Variants in SDK1 observed in about 807,000 individuals in gnomAD.
The protein encoded by SDK1 is sidekick cell adhesion molecule 1, also known as protein sidekick-1.
A neutral mutation model predicts 245.5 loss-of-function variants in SDK1; 157 were observed. That is an observed-to-expected ratio of 0.64 (90% CI 0.56 to 0.73). The LOEUF (loss-of-function observed/expected upper bound fraction) is 0.73, where lower values mean the gene tolerates loss of function less well. SDK1 is among the 30% of genes least tolerant of loss of function. SDK1 has a pLI of 0.00. For synonymous variants in SDK1, 1,647 were observed against 1,278.5 expected (o/e 1.29, Z -6.15); for missense variants, 3,583 against 3,002.3 (o/e 1.19, Z -4.52).
intron 1 of SDK1, among the ~76,000 whole-genome samples, chr7:3,452,725 T>C (rs1485865663): frequency 6.6e-6 from 1 of 152,184 alleles, no homozygotes; most frequent in African/African-American, 2.4e-5. Context: ...TCATTGACTT[T>C]GTGTGGAATT....
intron 1 of SDK1, among the ~76,000 whole-genome samples, chr7:3,579,382 A>C (rs975295022): frequency 2.0e-5 from 3 of 152,266 alleles, no homozygotes; most frequent in Non-Finnish European, 4.4e-5. Context: ...TATGCAAATC[A>C]GTAAATGTGA....
chr7:3,760,218 A>C (rs879104123), intron 4 of SDK1, among the ~76,000 whole-genome samples: 10 of 152,318 alleles, frequency 6.6e-5, no homozygotes, highest in Non-Finnish European at 1.3e-4. Flanking sequence ...ATATACAGTG[A>C]TGATCCAGTG....
chr7:3,422,452 A>G (rs1472803313), intron 1 of SDK1, among the ~76,000 whole-genome samples: 1 of 152,242 alleles, frequency 6.6e-6, no homozygotes, highest in East Asian at 1.9e-4. Flanking sequence ...CATGAAAAAT[A>G]CTATAGAATA....
intron 22 of SDK1, among the ~76,000 whole-genome samples, chr7:4,097,551 A>G (rs7791238): frequency 0.32 from 48,546 of 152,110 alleles, 9,307 homozygotes; most frequent in African/African-American, 0.54. Context: ...AAGGCCCAAT[A>G]AAGTTTCCAA....
At chr7:3,342,502 C>G (rs908264198) in intron 1 of SDK1, among the ~76,000 whole-genome samples, 4 of 151,932 alleles carry the variant, frequency 2.6e-5, no homozygotes, top group South Asian at 2.1e-4. Context: ...GCAGGAGACT[C>G]GCTTGAACCC....
chr7:3,568,291 A>T (rs1157504743), intron 1 of SDK1, among the ~76,000 whole-genome samples: 1 of 152,174 alleles, frequency 6.6e-6, no homozygotes, highest in Non-Finnish European at 1.5e-5. Flanking sequence ...ACTTTAGGTA[A>T]CTGATATACT....
intron 5 of SDK1, among the ~76,000 whole-genome samples, chr7:3,894,683 G>A (rs7786556): frequency 0.33 from 49,376 of 150,754 alleles, 10,378 homozygotes; most frequent in African/African-American, 0.6. Flanking sequence ...CTAAAGCAGA[G>A]TAATACTATT....
Position 3,726,153 on chromosome 7 carries a change from T to A in SDK1, c.713+84048T>A, listed in dbSNP as rs59539330. On this transcript the variant is annotated intron_variant, in intron 4 of 44. Coordinates refer to ENST00000404826, the MANE Select transcript of SDK1 (RefSeq NM_152744.4). Reference sequence around the variant, plus strand: ...AGAGAAGGATCTAGGGATATGAGAATCCATCATGTGAGAACATTTTAGATA... The same window carrying A: ...AGAGAAGGATCTAGGGATATGAGAAACCATCATGTGAGAACATTTTAGATA... Among the ~76,000 whole-genome samples, 275 of 152,332 alleles carry A rather than the reference T, an allele frequency of 1.8e-3. 4 individuals are homozygous for A. The East Asian group carries it at 0.048, about 27-fold the overall frequency.
At chr7:3,540,751 C>G (rs1779031553) in intron 1 of SDK1, among the ~76,000 whole-genome samples, 1 of 152,120 alleles carries the variant, frequency 6.6e-6, no homozygotes. Context: ...CCATAAGGCT[C>G]TGGCAAGAAA....
chr7:3,631,449 G>A (rs78762247), intron 2 of SDK1, among the ~76,000 whole-genome samples: 4,398 of 152,182 alleles, frequency 0.029, 212 homozygotes, highest in African/African-American at 0.1. Flanking sequence ...CCTAAACTTG[G>A]TTTATGTCAG....
intron 5 of SDK1, among the ~76,000 whole-genome samples, chr7:3,938,522 A>G (rs1350756543): frequency 6.6e-6 from 1 of 151,934 alleles, no homozygotes; most frequent in Non-Finnish European, 1.5e-5. Flanking sequence ...GGCAGGCACC[A>G]GTAGTCCCAG....
At chr7:3,608,000 T>G (rs553749463) in intron 1 of SDK1, among the ~76,000 whole-genome samples, 24 of 152,338 alleles carry the variant, frequency 1.6e-4, no homozygotes, top group African/African-American at 5.3e-4. Flanking sequence ...CTTTGTACTT[T>G]GTCCCCTTGT....
At chr7:3,634,833 T>G (rs547692420) in intron 2 of SDK1, among the ~76,000 whole-genome samples, 6 of 152,324 alleles carry the variant, frequency 3.9e-5, no homozygotes, top group South Asian at 2.1e-4. Flanking sequence ...TATTTCTGCT[T>G]CTTGTTTGAA....
At chr7:3,335,829 C>G (rs1389069861) in intron 1 of SDK1, among the ~76,000 whole-genome samples, 1 of 152,126 alleles carries the variant, frequency 6.6e-6, no homozygotes, top group Non-Finnish European at 1.5e-5. Flanking sequence ...GATTTACTGT[C>G]TTACCAAGGT....
At chr7:3,942,428 T>C (rs1310258053) in intron 5 of SDK1, among the ~76,000 whole-genome samples, 1 of 152,198 alleles carries the variant, frequency 6.6e-6, no homozygotes, top group African/African-American at 2.4e-5. Flanking sequence ...AGATAACCAG[T>C]TGGCAAAATT....
At chr7:3,956,254 C>T (rs1443570708) in intron 7 of SDK1, among the ~76,000 whole-genome samples, 1 of 152,196 alleles carries the variant, frequency 6.6e-6, no homozygotes, top group East Asian at 1.9e-4. Context: ...CACAGGATGA[C>T]TCATTTACAA....
intron 1 of SDK1, among the ~76,000 whole-genome samples, chr7:3,391,169 G>T (rs1231357969): frequency 2.6e-5 from 4 of 152,070 alleles, no homozygotes; most frequent in Admixed American, 2.6e-4. Context: ...TAGAAGGAAG[G>T]TTACATAAAG....
In SDK1 at chr7:4,210,257, G is replaced by A; in HGVS notation, c.5539+95G>A. The A allele has an allele frequency of 2.4e-6, 3 of 1,241,584 alleles. No individual in the cohort carries two copies. The South Asian group carries it at 7.4e-5, about 31-fold the overall frequency. 76.9% of individuals were successfully genotyped at this position (1,241,584 alleles called of 1,614,324 possible). On this transcript the variant is annotated intron_variant, in intron 38 of 44. Coordinates refer to ENST00000404826, the MANE Select transcript of SDK1 (RefSeq NM_152744.4). ...TGAGCCGCACCTGACCGCTTCTGTG[G>A]GCCAGGAGCCTTCTGGCGCCTGAAG...
intron 1 of SDK1, among the ~76,000 whole-genome samples, chr7:3,458,795 C>G (rs1780748038): frequency 6.6e-6 from 1 of 152,088 alleles, no homozygotes; most frequent in Non-Finnish European, 1.5e-5. Flanking sequence ...TCTACTTGCT[C>G]CAGGAAATAC....
Sources: gnomAD v4.1 joint callset for allele counts (sites outside exome capture counted in the v4.1 genomes callset) on GRCh38, gnomAD v4.1.1 for gene constraint, MANE v1.5 for transcripts, NCBI Gene and HGNC (gene_info 2026-07-23, HGNC 2026-07-21) for gene names.